The following AHRR variants were observed in gnomAD, a reference collection of about 807,000 sequenced individuals.
AHRR encodes the protein aryl hydrocarbon receptor repressor.
A neutral mutation model predicts 44.0 loss-of-function variants in AHRR; 28 were observed. The observed-to-expected ratio is 0.64, with a 90% CI of 0.47 to 0.87. The LOEUF (loss-of-function observed/expected upper bound fraction) is 0.87. AHRR is among the 40% of genes least tolerant of loss of function. The pLI is 0.00. For missense variants in AHRR, 990 were observed against 953.9 expected, an observed-to-expected ratio of 1.04 and a Z score of -0.50; for synonymous variants, 434 against 407.0, an observed-to-expected ratio of 1.07 and a Z score of -0.80.
chr5:403,695 T>TTC, intron 4 of AHRR: 2 of 793,494 alleles, frequency 2.5e-6, no homozygotes, highest in East Asian at 2.5e-5. Context: ...TTTTTTTTTT[T>TTC]ACTTTCTCTC....
chr5:340,551 C>G (rs1579595645), intron 1 of AHRR, among the ~76,000 whole-genome samples: 1 of 149,464 alleles, frequency 6.7e-6, no homozygotes, highest in Non-Finnish European at 1.5e-5. Flanking sequence ...GGGCTCCAGC[C>G]TTATTACCTT....
At chr5:376,762 C>T (rs770847467) in intron 4 of AHRR, 46 bp downstream of exon 4, 45 of 1,472,126 alleles carry the variant, frequency 3.1e-5, no homozygotes, top group Middle Eastern at 3.4e-4. Flanking sequence ...CTTGGTTCTC[C>T]GTGTCACGCG....
At position 395,936 on chromosome 5, in the gene AHRR, C is replaced by T. The variant is rs1009156157; in HGVS notation, c.352-17408C>T. On this transcript the variant is annotated intron_variant, in intron 4 of 10. Transcript: ENST00000684583. The surrounding 1 kb of genome is among the most constrained non-coding windows in gnomAD (Gnocchi z 5.3). Reference sequence around the variant, plus strand: ...GCCTGGCTCTAAGGGGCTCCTGGTACGAGGATTAGGAGGCCATGGGTCGTC... The same window carrying T: ...GCCTGGCTCTAAGGGGCTCCTGGTATGAGGATTAGGAGGCCATGGGTCGTC... 6.6e-6 allele frequency among the ~76,000 whole-genome samples: 1 copy of T among 152,168 alleles called. No individual in the cohort carries two copies. Among genetic ancestry groups the T allele is most frequent in the Non-Finnish European group, 1.5e-5 (1 of 68,018 alleles).
intron 8 of AHRR, among the ~76,000 whole-genome samples, chr5:429,074 G>T (rs1245753776): frequency 6.6e-6 from 1 of 152,212 alleles, no homozygotes; most frequent in Non-Finnish European, 1.5e-5. Flanking sequence ...CCTGCCCTTG[G>T]GGATTCGTGT....
intron 2 of AHRR, among the ~76,000 whole-genome samples, chr5:345,126 A>G (rs866220142): frequency 0.029 from 78 of 2,646 alleles, no homozygotes; most frequent in Admixed American, 0.043. Flanking sequence ...GTGTGTGGGG[A>G]TGTGTGTGTG....
Position 405,815 on chromosome 5 carries a change from TC to T in AHRR, c.352-7528del, listed in dbSNP as rs1336693393. 5.9e-5 allele frequency among the ~76,000 whole-genome samples: 9 copies of T among 152,370 alleles called. No individual in the cohort carries two copies. Among genetic ancestry groups the T allele is most frequent in the African/African-American group, 2.2e-4 (9 of 41,592 alleles). The stretch of plus-strand genomic sequence containing the variant: ...ATATTTTCACGGCACGTGTGACTTT[TC>T]TTTTTGGATACTTTACTGATTGAAA... On this transcript the variant is annotated intron_variant, in intron 4 of 10. Transcript: ENST00000684583. This position sits in a 1 kb window ranked among gnomAD's most constrained non-coding sequence, Gnocchi z 4.5.
intron 1 of AHRR, among the ~76,000 whole-genome samples, chr5:334,511 C>T (rs542313329): frequency 6.6e-6 from 1 of 151,882 alleles, no homozygotes; most frequent in East Asian, 1.9e-4. Flanking sequence ...ATTGTTGGAG[C>T]TTTCAAATGT....
chr5:343,011 G>C (rs759759889), intron 1 of AHRR, among the ~76,000 whole-genome samples: 5 of 152,224 alleles, frequency 3.3e-5, no homozygotes, highest in Non-Finnish European at 7.3e-5. Context: ...ACATAGAAAA[G>C]AGGAAGCCTG....
At chr5:373,745 G>C (rs921519228) in intron 3 of AHRR, among the ~76,000 whole-genome samples, 22 of 151,676 alleles carry the variant, frequency 1.5e-4, no homozygotes, top group Non-Finnish European at 3.1e-4. Context: ...GGGTCCGCCC[G>C]CCCCGTGTGC....
intron 5 of AHRR, among the ~76,000 whole-genome samples, chr5:415,711 TCGGCTGGGAGGCCTA>T (rs1735771267): frequency 1.3e-5 from 2 of 151,874 alleles, no homozygotes; most frequent in Non-Finnish European, 2.9e-5. Flanking sequence ...GTCTGCCTGG[TCGGCTGGGAGGCCTA>T]GGGGCTGTGC....
At chr5:356,125 T>C (rs1036984367) in intron 3 of AHRR, among the ~76,000 whole-genome samples, 25 of 152,354 alleles carry the variant, frequency 1.6e-4, no homozygotes, top group African/African-American at 5.3e-4. Context: ...TTAATGTTAA[T>C]GTGACTGTTA....
chr5:323,215 A>C (rs1480721623), intron 1 of AHRR, among the ~76,000 whole-genome samples: 1 of 152,244 alleles, frequency 6.6e-6, no homozygotes, highest in Non-Finnish European at 1.5e-5. Context: ...CGCTGCCGTC[A>C]GGAGGCCGGG....
intron 3 of AHRR, among the ~76,000 whole-genome samples, chr5:366,313 C>T (rs950490194): frequency 2.0e-5 from 3 of 152,050 alleles, no homozygotes; most frequent in East Asian, 1.9e-4. Context: ...ACACAGAAGC[C>T]GTCTTGAAGG....
rs1350702253 is a variant in AHRR, at chr5:434,581, C to T, written c.1841C>T (p.Ala614Val). 6.3e-6 allele frequency: 10 copies of T among 1,578,310 alleles called. No homozygotes were observed. The highest frequency in any genetic ancestry group is 8.6e-6 in the Non-Finnish European group (10 of 1,162,468). ...RSRELTPFHP[A>V]HCACLEPTDG... ...AGGGAGCTGACCCCTTTCCACCCTG[C>T]ACACTGTGCCTGCCTGGAGCCCACA... Residue 614 changes from alanine to valine, a missense_variant, in exon 11 of 11, where the codon GCA becomes GTA. By Grantham distance (64) the Ala-to-Val change is moderately conservative. Transcript: ENST00000684583.
chr5:367,223 A>G (rs1168315221), intron 3 of AHRR, among the ~76,000 whole-genome samples: 1 of 152,066 alleles, frequency 6.6e-6, no homozygotes, highest in Non-Finnish European at 1.5e-5. Flanking sequence ...AGCTGGGGGG[A>G]AGAGCAAGTG....
Position 404,147 on chromosome 5 carries a change from G to C in AHRR, c.352-9197G>C, listed in dbSNP as rs529638894. 5 of 537,262 alleles carry C rather than the reference G, an allele frequency of 9.3e-6. No homozygotes were observed. Among genetic ancestry groups the C allele is most frequent in the South Asian group, 8.4e-5 (5 of 59,868 alleles). The allele number at this position is 537,262 out of a possible 1,614,324, so 33.3% of individuals were successfully genotyped here. ...CCCTTCTCCGTCTCTCTCAGCCTCA[G>C]CCGTTCCTGGTGGGTCTGCATTCCT... is the stretch of plus-strand genomic sequence containing the variant. On this transcript the variant is annotated intron_variant, in intron 4 of 10. Coordinates refer to ENST00000684583, the MANE Select transcript of AHRR (RefSeq NM_001377236.1). The surrounding 1 kb of genome is among the most constrained non-coding windows in gnomAD (Gnocchi z 4.1).
At chr5:409,503 A>T (rs541652620) in intron 4 of AHRR, among the ~76,000 whole-genome samples, 1 of 152,272 alleles carries the variant, frequency 6.6e-6, no homozygotes, top group South Asian at 2.1e-4. Flanking sequence ...GACAGCGGCC[A>T]CCCTGGAGTG....
At chr5:350,024 A>G (rs529789337) in intron 2 of AHRR, among the ~76,000 whole-genome samples, 10 of 152,324 alleles carry the variant, frequency 6.6e-5, no homozygotes, top group African/African-American at 2.2e-4. Context: ...CTTTAATATT[A>G]TAGCTTTAGA....
At chr5:344,525 G>T (rs1197504045) in intron 2 of AHRR, among the ~76,000 whole-genome samples, 3 of 950 alleles carry the variant, frequency 3.2e-3, no homozygotes, top group African/African-American at 0.021. Context: ...TGAGGCTGTG[G>T]GGGGCTGTGT....
Sources: gnomAD v4.1 joint callset for allele counts (sites outside exome capture counted in the v4.1 genomes callset) on GRCh38, gnomAD v4.1.1 for gene constraint, Gnocchi (gnomAD v3.1) non-coding constraint, MANE v1.5 for transcripts, NCBI Gene and HGNC (gene_info 2026-07-23, HGNC 2026-07-21) for gene names.